The following ATP8A1 variants were observed in gnomAD, a reference collection of about 807,000 sequenced individuals.
ATP8A1 encodes phospholipid-transporting ATPase IA.
ATP8A1 carries 90 observed loss-of-function variants against 177.7 expected under a neutral mutation model. That is an observed-to-expected ratio of 0.51 (90% CI 0.43 to 0.60). The LOEUF (loss-of-function observed/expected upper bound fraction) is 0.60. Among genes scored for constraint, ATP8A1 ranks in the 20% least tolerant of loss-of-function variants. ATP8A1 has a pLI of 0.00. For synonymous variants in ATP8A1, 493 were observed against 485.9 expected (o/e 1.01, Z -0.19); for missense variants, 1,072 against 1,392.8 (o/e 0.77, Z 3.67).
intron 15 of ATP8A1, among the ~76,000 whole-genome samples, chr4:42,563,225 T>C (rs1445464506): frequency 1.3e-5 from 2 of 152,186 alleles, no homozygotes; most frequent in Non-Finnish European, 2.9e-5. Flanking sequence ...TGTTGGGAAC[T>C]GGAGAAAAGG....
chr4:42,554,498 C>T (rs1413464538), intron 16 of ATP8A1, among the ~76,000 whole-genome samples: 6 of 152,218 alleles, frequency 3.9e-5, no homozygotes, highest in East Asian at 1.9e-4. Context: ...GTTGAAGGCT[C>T]GCGCAGAAAA....
At chr4:42,463,797 T>G (rs1214352785) in intron 27 of ATP8A1, among the ~76,000 whole-genome samples, 1 of 152,192 alleles carries the variant, frequency 6.6e-6, no homozygotes. Flanking sequence ...TTTAGACAAA[T>G]TTTTCATCAT....
chr4:42,551,440 T>G (rs944998579), intron 17 of ATP8A1, among the ~76,000 whole-genome samples, 160 bp from the exon 18 acceptor site: 2 of 152,200 alleles, frequency 1.3e-5, no homozygotes, highest in Non-Finnish European at 2.9e-5. Flanking sequence ...ACATGACAAT[T>G]CCAAAGAAAT....
At chr4:42,654,109 T>G (rs2109595074) in intron 1 of ATP8A1, among the ~76,000 whole-genome samples, 1 of 152,346 alleles carries the variant, frequency 6.6e-6, no homozygotes, top group South Asian at 2.1e-4. Context: ...CCTCAGGTGA[T>G]TCCTATGAAC....
chr4:42,435,440 A>C (rs56148412), intron 33 of ATP8A1, among the ~76,000 whole-genome samples: 18,040 of 85,866 alleles, frequency 0.21, 1,145 homozygotes, highest in Admixed American at 0.26. Flanking sequence ...AAAAAAAAAA[A>C]AAAAAAAAAC....
chr4:42,626,961 G>A (rs757591959), intron 2 of ATP8A1, 34 bp downstream of exon 2: 12 of 1,510,340 alleles, frequency 7.9e-6, no homozygotes, highest in Non-Finnish European at 1.1e-5. Context: ...CTGCTCTGCT[G>A]GCTGGTCTCA....
At chr4:42,632,995 T>C (rs1387778838) in intron 1 of ATP8A1, among the ~76,000 whole-genome samples, 2 of 152,098 alleles carry the variant, frequency 1.3e-5, no homozygotes, top group Non-Finnish European at 2.9e-5. Context: ...AGCAGGAAAA[T>C]TCTGAAAAAC....
At chr4:42,567,195 C>G (rs551050124) in intron 15 of ATP8A1, among the ~76,000 whole-genome samples, 1 of 152,074 alleles carries the variant, frequency 6.6e-6, no homozygotes, top group Non-Finnish European at 1.5e-5. Flanking sequence ...TTTTGCAGGC[C>G]TATAGGTAAT....
At chr4:42,650,576 T>C (rs1740989221) in intron 1 of ATP8A1, among the ~76,000 whole-genome samples, 1 of 152,246 alleles carries the variant, frequency 6.6e-6, no homozygotes, top group African/African-American at 2.4e-5. Flanking sequence ...TTACCTTTTA[T>C]GTAAATAAAA....
intron 1 of ATP8A1, among the ~76,000 whole-genome samples, chr4:42,640,537 TC>T: frequency 6.6e-6 from 1 of 152,324 alleles, no homozygotes; most frequent in African/African-American, 2.4e-5. Context: ...TTCTTTCTTT[TC>T]AAAAATAGAA....
At chr4:42,554,276 G>A (rs531200612) in intron 16 of ATP8A1, among the ~76,000 whole-genome samples, 3 of 152,246 alleles carry the variant, frequency 2.0e-5, no homozygotes, top group South Asian at 4.1e-4. Flanking sequence ...AACTGCAGCC[G>A]ACACCCAAGA....
At chr4:42,593,185 C>G (rs1317134982) in intron 6 of ATP8A1, among the ~76,000 whole-genome samples, 1 of 151,996 alleles carries the variant, frequency 6.6e-6, no homozygotes, top group African/African-American at 2.4e-5. Flanking sequence ...CTTTCTAGTG[C>G]CTGATACTAC....
In ATP8A1 at chr4:42,590,890, C is replaced by A. The variant is rs201326642; in HGVS notation, c.451-6G>T. 122 of 1,603,492 alleles carry A rather than the reference C, an allele frequency of 7.6e-5. 1 individual carries two copies. In the Middle Eastern group the frequency reaches 8.3e-4, roughly 11 times the overall value. Reference sequence around the variant, plus strand: ...ACTATCTCCCCTACTGCCACCTACACGTCCCAGTATAAAATAATTAAAATG... The same window carrying A: ...ACTATCTCCCCTACTGCCACCTACAAGTCCCAGTATAAAATAATTAAAATG... On this transcript the variant is annotated splice_polypyrimidine_tract_variant and splice_region_variant and intron_variant, in intron 6 of 36. Coordinates refer to ENST00000381668, the MANE Select transcript of ATP8A1 (RefSeq NM_006095.2).
chr4:42,495,313 CATA>C (rs1290570754), intron 24 of ATP8A1, among the ~76,000 whole-genome samples: 1 of 152,160 alleles, frequency 6.6e-6, no homozygotes, highest in Non-Finnish European at 1.5e-5. Flanking sequence ...TTATGGCTCC[CATA>C]ATAACATATG....
chr4:42,486,708 G>A (rs1048739517), intron 24 of ATP8A1, among the ~76,000 whole-genome samples: 4 of 152,300 alleles, frequency 2.6e-5, no homozygotes, highest in African/African-American at 9.6e-5. Context: ...AATATCCCAT[G>A]GTGGGCCCAT....
intron 24 of ATP8A1, among the ~76,000 whole-genome samples, chr4:42,490,935 G>A (rs1722681304): frequency 1.3e-5 from 2 of 152,122 alleles, no homozygotes; most frequent in African/African-American, 2.4e-5. Context: ...GGTCTTTGAT[G>A]AAAAGGTAAT....
In ATP8A1 at chr4:42,575,685, G is replaced by C; in HGVS notation, c.1143C>G (p.His381Gln). Residue 381 changes from histidine to glutamine, a missense_variant, in exon 13 of 37, where the codon CAC becomes CAG. Around this residue, in one of 5 missense-constraint regions of ATP8A1, gnomAD observed 388 missense variants for 471.7 expected, o/e 0.82. Transcript: ENST00000381668. ...AYFINWDLDM[H>Q]YEPTDTAAMA... ...TAGCAGCAGTGTCTGTGGGTTCATA[G>C]TGCATGTCAAGATCCTTTAATAAAA... is the stretch of plus-strand genomic sequence containing the variant. 6.2e-7 allele frequency: 1 copy of C among 1,613,274 alleles called. No homozygotes were observed.
intron 5 of ATP8A1, among the ~76,000 whole-genome samples, chr4:42,601,443 G>A (rs909568719): frequency 4.6e-5 from 7 of 150,982 alleles, no homozygotes; most frequent in East Asian, 3.9e-4. Flanking sequence ...TTAGGGTTTC[G>A]CTACTGCTTC....
At chr4:42,580,901 G>A (rs1462856101) in intron 10 of ATP8A1, among the ~76,000 whole-genome samples, 1 of 152,112 alleles carries the variant, frequency 6.6e-6, no homozygotes, top group African/African-American at 2.4e-5. Context: ...ATGGTCATTT[G>A]ATTCAAATTT....
Sources: allele counts gnomAD v4.1 joint callset (sites outside exome capture counted in the v4.1 genomes callset), GRCh38; gene constraint gnomAD v4.1.1; regional missense constraint gnomAD v4.1.1; transcripts MANE v1.5; gene names NCBI Gene and HGNC (gene_info 2026-07-23, HGNC 2026-07-21).